PCDH17: variants seen among roughly 807,000 people sequenced by gnomAD.
The protein encoded by PCDH17 is protocadherin-17.
In PCDH17, 21 loss-of-function variants were observed where a neutral mutation model predicts 67.7. The ratio of observed to expected loss-of-function variants is 0.31; its 90% CI spans 0.22 to 0.45. The LOEUF is 0.45. Ranked by LOEUF, PCDH17 falls within the 20% of genes least tolerant of loss-of-function variation. The probability of loss-of-function intolerance (pLI) is 1.00; values close to 1 mark genes in which losing one functional copy is unlikely to be tolerated. For synonymous variants in PCDH17, 701 were observed against 656.7 expected, an observed-to-expected ratio of 1.07 and a Z score of -1.03; for missense variants, 1,471 against 1,564.8, an observed-to-expected ratio of 0.94 and a Z score of 1.01.
intron 3 of PCDH17, among the ~76,000 whole-genome samples, chr13:57,718,282 A>G (rs546774221): frequency 1.3e-3 from 201 of 152,164 alleles, no homozygotes; most frequent in Non-Finnish European, 2.2e-3. Flanking sequence ...AGTAGGAAAA[A>G]AATTCCAGGA....
chr13:57,643,720 T>C (rs1954931778), intron 1 of PCDH17, among the ~76,000 whole-genome samples: 1 of 151,686 alleles, frequency 6.6e-6, no homozygotes, highest in Admixed American at 6.6e-5. Flanking sequence ...TATTAAGGAT[T>C]CCATACAAAC....
intron 3 of PCDH17, among the ~76,000 whole-genome samples, chr13:57,682,207 G>A (rs1955458002): frequency 6.6e-6 from 1 of 151,664 alleles, no homozygotes; most frequent in Non-Finnish European, 1.5e-5. Context: ...TAGAAACAAA[G>A]GAATTACTAT....
At chr13:57,647,046 T>C (rs951652097) in intron 1 of PCDH17, among the ~76,000 whole-genome samples, 1 of 151,836 alleles carries the variant, frequency 6.6e-6, no homozygotes, top group Admixed American at 6.6e-5. Flanking sequence ...TGTTTTACTC[T>C]TTCTGTGACT....
chr13:57,659,678 GTTT>G (rs1457827354), intron 1 of PCDH17, among the ~76,000 whole-genome samples: 1 of 152,114 alleles, frequency 6.6e-6, no homozygotes, highest in East Asian at 1.9e-4. Flanking sequence ...TGTATTACAT[GTTT>G]TTTAAGTTTT....
intron 1 of PCDH17, among the ~76,000 whole-genome samples, chr13:57,641,587 A>AAT (rs1166347188): frequency 0.025 from 517 of 20,596 alleles, 17 homozygotes; most frequent in Non-Finnish European, 0.033. Flanking sequence ...AAAAAAAAAA[A>AAT]ATATATATAT....
At chr13:57,691,044 A>G (rs370897534) in intron 3 of PCDH17, among the ~76,000 whole-genome samples, 2 of 151,348 alleles carry the variant, frequency 1.3e-5, no homozygotes, top group East Asian at 3.9e-4. Context: ...CAATATGTAT[A>G]TTTTTTCTTT....
intron 1 of PCDH17, among the ~76,000 whole-genome samples, chr13:57,640,154 T>C (rs1015593327): frequency 2.6e-5 from 4 of 152,008 alleles, no homozygotes; most frequent in Non-Finnish European, 5.9e-5. Flanking sequence ...ATTTATATTT[T>C]ATCATGTTTC....
intron 1 of PCDH17, among the ~76,000 whole-genome samples, chr13:57,642,004 C>T (rs548767832): frequency 4.0e-4 from 61 of 151,564 alleles, no homozygotes; most frequent in African/African-American, 1.4e-3. Flanking sequence ...TAGAAATTTA[C>T]TTTATTTCAG....
intron 3 of PCDH17, among the ~76,000 whole-genome samples, chr13:57,676,938 T>C (rs556989976): frequency 4.4e-4 from 67 of 152,070 alleles, no homozygotes; most frequent in Non-Finnish European, 8.0e-4. Flanking sequence ...GGCATCAATG[T>C]ATAACTTTTC....
At chr13:57,705,740 G>A (rs1486016906) in intron 3 of PCDH17, among the ~76,000 whole-genome samples, 1 of 152,110 alleles carries the variant, frequency 6.6e-6, no homozygotes, top group Non-Finnish European at 1.5e-5. Context: ...AATAGGGTAG[G>A]CACAGTGGCT....
chr13:57,655,720 A>G (rs181581004), intron 1 of PCDH17, among the ~76,000 whole-genome samples: 35 of 152,212 alleles, frequency 2.3e-4, no homozygotes, highest in Admixed American at 1.3e-3. Context: ...AGAGTTATAT[A>G]TAAAGCACAT....
Position 57,634,955 on chromosome 13 carries a change from C to T in PCDH17, c.2409C>T (p.Arg803=). Reference sequence around the variant, plus strand: ...CCATGTACTTCGACTACCAGACCCGCCTGCCCCTCAGCTCGCCCCGGTCGG... The same window carrying T: ...CCATGTACTTCGACTACCAGACCCGTCTGCCCCTCAGCTCGCCCCGGTCGG... ...TSPMYFDYQT[R]LPLSSPRSEV... is the part of the protein sequence containing the mutation. The change falls in exon 1 of 4, where the codon CGC becomes CGT. Residue 803 remains arginine (R), a synonymous_variant. Transcript: ENST00000377918. This position sits in a 1 kb window ranked among gnomAD's most constrained non-coding sequence, Gnocchi z 7.8. 1 of 1,613,990 alleles carries T rather than the reference C, an allele frequency of 6.2e-7. No homozygotes were observed. Among genetic ancestry groups the T allele is most frequent in the Non-Finnish European group, 8.5e-7 (1 of 1,180,012 alleles).
At chr13:57,697,625 A>G (rs765354715) in intron 3 of PCDH17, among the ~76,000 whole-genome samples, 4 of 151,742 alleles carry the variant, frequency 2.6e-5, no homozygotes, top group Non-Finnish European at 4.4e-5. Context: ...GATAAGAATG[A>G]CTGTCATTAT....
chr13:57,641,790 T>C (rs1306172022), intron 1 of PCDH17, among the ~76,000 whole-genome samples: 1 of 150,400 alleles, frequency 6.6e-6, no homozygotes, highest in Non-Finnish European at 1.5e-5. Context: ...CGTTTGCATA[T>C]ATTTATTCAA....
intron 3 of PCDH17, among the ~76,000 whole-genome samples, chr13:57,718,229 A>G (rs1955839763): frequency 1.3e-5 from 2 of 152,020 alleles, no homozygotes; most frequent in Admixed American, 6.6e-5. Context: ...TGCATAAAGG[A>G]TAAAATAAGC....
intron 1 of PCDH17, among the ~76,000 whole-genome samples, chr13:57,642,431 C>A (rs1021463330): frequency 2.0e-5 from 3 of 151,602 alleles, no homozygotes; most frequent in Admixed American, 1.3e-4. Context: ...ATAATTTAGA[C>A]AATGACTTGA....
intron 1 of PCDH17, among the ~76,000 whole-genome samples, chr13:57,648,848 T>C (rs1165498537): frequency 2.0e-5 from 3 of 152,036 alleles, no homozygotes; most frequent in Admixed American, 2.0e-4. Flanking sequence ...TTTTAAAATG[T>C]TGGGCACTCC....
intron 3 of PCDH17, among the ~76,000 whole-genome samples, chr13:57,676,702 G>A (rs1215559730): frequency 6.6e-6 from 1 of 151,838 alleles, no homozygotes; most frequent in African/African-American, 2.4e-5. Context: ...TACTCAGTAT[G>A]TTCTGTGGGA....
At chr13:57,664,084 ATCAAGATGGGGTC>A (rs1165127548) in intron 1 of PCDH17, among the ~76,000 whole-genome samples, 2 of 151,810 alleles carry the variant, frequency 1.3e-5, no homozygotes, top group Non-Finnish European at 2.9e-5. Flanking sequence ...TACTATTTTT[ATCAAGATGGGGTC>A]TCAATACATT....
Sources: gnomAD v4.1 joint callset for allele counts (sites outside exome capture counted in the v4.1 genomes callset) on GRCh38, gnomAD v4.1.1 for gene constraint, Gnocchi (gnomAD v3.1) non-coding constraint, MANE v1.5 for transcripts, NCBI Gene and HGNC (gene_info 2026-07-23, HGNC 2026-07-21) for gene names.